The following CNTLN variants were observed in gnomAD, a reference collection of about 807,000 sequenced individuals.
The protein encoded by CNTLN is centlein, centrosomal protein.
CNTLN carries 212 observed loss-of-function variants against 180.0 expected under a neutral mutation model. The observed-to-expected ratio is 1.18, with a 90% CI of 1.05 to 1.32. The LOEUF (loss-of-function observed/expected upper bound fraction) is 1.32. CNTLN is among the 40% of genes most tolerant of loss of function. The pLI is 0.00. For missense variants in CNTLN, 2,095 were observed against 1,610.9 expected, an observed-to-expected ratio of 1.30 and a Z score of -5.14; for synonymous variants, 722 against 563.1, an observed-to-expected ratio of 1.28 and a Z score of -3.99.
At chr9:17,185,031 C>T (rs769024093) in intron 2 of CNTLN, among the ~76,000 whole-genome samples, 6 of 152,186 alleles carry the variant, frequency 3.9e-5, no homozygotes, top group Non-Finnish European at 7.4e-5. Flanking sequence ...CTCTTGAAGT[C>T]TGAATAGAAT....
At chr9:17,483,120 T>C (rs1253268415) in intron 23 of CNTLN, among the ~76,000 whole-genome samples, 3 of 152,088 alleles carry the variant, frequency 2.0e-5, no homozygotes, top group Non-Finnish European at 2.9e-5. Context: ...TTGAAATATA[T>C]ACAATAGGCA....
intron 23 of CNTLN, among the ~76,000 whole-genome samples, chr9:17,480,812 A>C (rs1832601536): frequency 6.6e-6 from 1 of 152,244 alleles, no homozygotes; most frequent in Non-Finnish European, 1.5e-5. Context: ...CAAATTAAAA[A>C]GCAGTAAGAA....
chr9:17,263,264 T>A (rs1330760127), intron 5 of CNTLN, among the ~76,000 whole-genome samples: 1 of 140,196 alleles, frequency 7.1e-6, no homozygotes, highest in Non-Finnish European at 1.5e-5. Flanking sequence ...CATTGTTCAA[T>A]TCCCACCAGT....
intron 5 of CNTLN, among the ~76,000 whole-genome samples, chr9:17,247,779 CT>C (rs572267371): frequency 2.7e-3 from 294 of 108,432 alleles, no homozygotes; most frequent in East Asian, 8.6e-3. Flanking sequence ...AATACTTTTA[CT>C]TTTTTTTTTT....
At chr9:17,203,289 T>G (rs1822679951) in intron 2 of CNTLN, among the ~76,000 whole-genome samples, 1 of 152,146 alleles carries the variant, frequency 6.6e-6, no homozygotes, top group Admixed American at 6.5e-5. Flanking sequence ...CATTTCAACG[T>G]TGGAGAATCT....
At chr9:17,525,524 T>C in the CNTLN span, among the ~76,000 whole-genome samples, 2 of 152,238 alleles carry the variant, frequency 1.3e-5, no homozygotes, top group African/African-American at 4.8e-5. Flanking sequence ...ACCAGTGTTA[T>C]TTCTTATAAT....
chr9:17,371,495 A>G (rs141055620), intron 13 of CNTLN, among the ~76,000 whole-genome samples: 2 of 152,290 alleles, frequency 1.3e-5, no homozygotes, highest in Non-Finnish European at 2.9e-5. Flanking sequence ...CTAAAGAGAA[A>G]TGTAGACCCT....
intron 2 of CNTLN, among the ~76,000 whole-genome samples, chr9:17,223,362 T>C (rs1824268334): frequency 6.6e-6 from 1 of 152,020 alleles, no homozygotes; most frequent in Non-Finnish European, 1.5e-5. Context: ...ACTTTTTTAC[T>C]GATTCCAGAC....
chr9:17,485,642 C>A (rs1164176949), intron 24 of CNTLN, among the ~76,000 whole-genome samples: 1 of 152,074 alleles, frequency 6.6e-6, no homozygotes, highest in African/African-American at 2.4e-5. Flanking sequence ...AGGGTAAGGC[C>A]TCTACTGTTG....
At chr9:17,367,017 C>G (rs533212775) in intron 13 of CNTLN, among the ~76,000 whole-genome samples, 39 of 152,244 alleles carry the variant, frequency 2.6e-4, no homozygotes, top group African/African-American at 8.9e-4. Context: ...AAAAAAACAC[C>G]TACATAAGAA....
chr9:17,211,149 G>A (rs1208735045), intron 2 of CNTLN, among the ~76,000 whole-genome samples: 3 of 152,094 alleles, frequency 2.0e-5, no homozygotes, highest in Non-Finnish European at 4.4e-5. Flanking sequence ...GTCCTGAATG[G>A]TATTGCCTAG....
At chr9:17,354,569 G>T (rs996242787) in intron 12 of CNTLN, among the ~76,000 whole-genome samples, 2 of 152,138 alleles carry the variant, frequency 1.3e-5, no homozygotes, top group Admixed American at 1.3e-4. Context: ...TAGCTGCTCT[G>T]GTGGGGCCTT....
rs1281472310 is a variant in CNTLN at position 17,330,649 on chromosome 9, C to T, written c.1359C>T (p.Ser453=). 1.3e-6 allele frequency: 2 copies of T among 1,596,062 alleles called. No individual in the cohort carries two copies. Among genetic ancestry groups the T allele is most frequent in the South Asian group, 2.3e-5 (2 of 87,550 alleles). ...DYSAQVPHRP[S]LSSLETLMVS... The stretch of plus-strand genomic sequence containing the variant: ...TAAAATAGGTACCTCATCGCCCATC[C>T]TTATCAAGCTTAGAAACGTTAATGG... Residue 453 remains serine (S), a synonymous_variant, in exon 9 of 26, where the codon TCC becomes TCT. Coordinates refer to ENST00000380647, the MANE Select transcript of CNTLN (RefSeq NM_017738.4).
chr9:17,204,550 A>T (rs1822779815), intron 2 of CNTLN, among the ~76,000 whole-genome samples: 2 of 152,128 alleles, frequency 1.3e-5, no homozygotes, highest in African/African-American at 4.8e-5. Context: ...TGGAAGCTTC[A>T]TCCCAGAGGG....
chr9:17,161,026 G>T, intron 2 of CNTLN, among the ~76,000 whole-genome samples: 1 of 152,118 alleles, frequency 6.6e-6, no homozygotes, highest in Non-Finnish European at 1.5e-5. Flanking sequence ...TTTATAATAA[G>T]AATTTGATAA....
intron 12 of CNTLN, among the ~76,000 whole-genome samples, chr9:17,365,214 T>G (rs1823713188): frequency 6.6e-6 from 1 of 152,126 alleles, no homozygotes; most frequent in East Asian, 1.9e-4. Context: ...GATAGTGAGT[T>G]CTCATAAGAT....
chr9:17,424,166 T>C lies in CNTLN; in HGVS notation c.3114+7977T>C, dbSNP rs149939119. Among the ~76,000 whole-genome samples, 596 of 152,332 alleles carry C rather than the reference T, an allele frequency of 3.9e-3. 4 individuals are homozygous for C. Among genetic ancestry groups the C allele is most frequent in the African/African-American group, 0.013 (553 of 41,576 alleles). ...TAGAATATATTTAAGGTAAATTTTC[T>C]TAAAATTTGTTTCTGATTAAAACAA... On this transcript the variant is annotated intron_variant, in intron 18 of 25. Transcript: ENST00000380647.
chr9:17,391,059 G>A lies in CNTLN; in HGVS notation c.2079+2806G>A, dbSNP rs190698920. ...ATCAAAGTTTTATGTGCCACAGGAC[G>A]CTTCAAAAACAAAGACCCAGAGAAA... On this transcript the variant is annotated intron_variant, in intron 14 of 25. Transcript: ENST00000380647. Among the ~76,000 whole-genome samples the A allele has an allele frequency of 3.5e-3, 539 of 152,252 alleles. 7 individuals carry two copies. Among genetic ancestry groups the A allele is most frequent in the Non-Finnish European group, 1.9e-3 (131 of 68,014 alleles).
At chr9:17,178,571 C>T (rs563345472) in intron 2 of CNTLN, among the ~76,000 whole-genome samples, 13 of 152,248 alleles carry the variant, frequency 8.5e-5, no homozygotes, top group African/African-American at 2.9e-4. Context: ...GAGCCCTGCC[C>T]CACAGGGAGG....
Sources: gnomAD v4.1 joint callset for allele counts (sites outside exome capture counted in the v4.1 genomes callset) on GRCh38, gnomAD v4.1.1 for gene constraint, MANE v1.5 for transcripts, NCBI Gene and HGNC (gene_info 2026-07-23, HGNC 2026-07-21) for gene names.